The following PCDHA3 variants were observed in gnomAD, a reference collection of about 807,000 sequenced individuals.
PCDHA3 encodes the protein protocadherin alpha-3.
Under a neutral mutation model 62.2 loss-of-function variants are expected in PCDHA3, and 41 were observed. The ratio of observed to expected loss-of-function variants is 0.66; its 90% confidence interval spans 0.51 to 0.86. The LOEUF (loss-of-function observed/expected upper bound fraction) is 0.86. Ranked by LOEUF, PCDHA3 falls within the 40% of genes least tolerant of loss-of-function variation. The pLI is 0.00. For synonymous variants in PCDHA3, 640 were observed against 555.4 expected (o/e 1.15, Z -2.14); for missense variants, 1,304 against 1,241.2 (o/e 1.05, Z -0.76).
At chr5:140,903,454 A>G (rs1554190971) in intron 1 of PCDHA3, among the ~76,000 whole-genome samples, 1 of 152,208 alleles carries the variant, frequency 6.6e-6, no homozygotes, top group Non-Finnish European at 1.5e-5. Flanking sequence ...ATCTGATCAA[A>G]CTTAAAATAT....
intron 1 of PCDHA3, chr5:140,855,800 A>C: frequency 2.1e-6 from 1 of 475,828 alleles, no homozygotes; most frequent in Non-Finnish European, 3.7e-6. Context: ...TAACATATGA[A>C]TGAAAGAAAA....
At chr5:140,948,849 C>A (rs2094312653) in intron 1 of PCDHA3, among the ~76,000 whole-genome samples, 1 of 151,046 alleles carries the variant, frequency 6.6e-6, no homozygotes, top group Admixed American at 6.6e-5. Flanking sequence ...GTATTATTTG[C>A]CTTCTTATAT....
intron 3 of PCDHA3, among the ~76,000 whole-genome samples, chr5:140,995,181 T>G (rs1443897354): frequency 6.6e-6 from 1 of 152,186 alleles, no homozygotes; most frequent in Non-Finnish European, 1.5e-5. Context: ...GGTGCACCTA[T>G]GATAAAGTTT....
chr5:140,863,239 T>C (rs1554158001), intron 1 of PCDHA3: 26 of 1,323,164 alleles, frequency 2.0e-5, no homozygotes, highest in African/African-American at 2.9e-5. Context: ...ATCGCGGGCT[T>C]TGGCGGGCGT....
intron 1 of PCDHA3, chr5:140,883,655 T>C (rs782178754): frequency 6.2e-7 from 1 of 1,613,114 alleles, no homozygotes; most frequent in Non-Finnish European, 8.5e-7. Context: ...GTACACGGTG[T>C]TCGTGAAGGA....
chr5:140,822,378 A>T, intron 1 of PCDHA3: 1 of 1,614,170 alleles, frequency 6.2e-7, no homozygotes, highest in Non-Finnish European at 8.5e-7. Flanking sequence ...CCTTAGATAG[A>T]GAAGAAACAC....
At chr5:140,832,389 C>G (rs1441016073) in intron 1 of PCDHA3, among the ~76,000 whole-genome samples, 1 of 152,132 alleles carries the variant, frequency 6.6e-6, no homozygotes, top group Non-Finnish European at 1.5e-5. Flanking sequence ...ATGGCAGAAA[C>G]TGGTAGTGGT....
At chr5:140,947,140 A>G (rs2094093806) in intron 1 of PCDHA3, among the ~76,000 whole-genome samples, 1 of 151,464 alleles carries the variant, frequency 6.6e-6, no homozygotes, top group Admixed American at 6.6e-5. Context: ...AGTAAAATGT[A>G]TAGTTACTTC....
At chr5:140,850,367 GGGGCTGT>G (rs1332786840) in intron 1 of PCDHA3, 1 of 1,597,800 alleles carries the variant, frequency 6.3e-7, no homozygotes, top group Non-Finnish European at 8.6e-7. Context: ...CGTTCCGCGT[GGGGCTGT>G]ACACGGGCGA....
Position 140,836,160 on chromosome 5 carries a change from A to G in PCDHA3, c.2394+32569A>G, listed in dbSNP as rs1774254627. On this transcript the variant is annotated intron_variant, in intron 1 of 3. Transcript: ENST00000522353. ...TGTGGGCGCGGGCCATGTGGTGGCG[A>G]AGGTACGTGCAGTTGACGCTGACTC... 6.2e-7 allele frequency: 1 copy of G among 1,613,780 alleles called. No homozygotes were observed. The highest frequency in any genetic ancestry group is 1.7e-5 in the Admixed American group (1 of 60,020).
chr5:140,824,284 T>C lies in PCDHA3; in HGVS notation c.2394+20693T>C, dbSNP rs1581808951. ...TAATTCATGTATTATATGCTTTTTA[T>C]GAGGCTTTTCTGCTGGGGTAATAGA... On this transcript the variant is annotated intron_variant, in intron 1 of 3. Transcript: ENST00000522353. The C allele has an allele frequency of 6.5e-6, 7 of 1,072,766 alleles. No homozygotes were observed. The East Asian group carries it at 9.5e-5, about 15-fold the overall frequency. 66.5% of individuals were successfully genotyped at this position (1,072,766 alleles called of 1,614,324 possible). A position where few individuals can be genotyped will look rare whatever the true frequency, so the allele number is the denominator to read the frequency against.
chr5:140,822,816 A>C, intron 1 of PCDHA3: 1 of 1,614,198 alleles, frequency 6.2e-7, no homozygotes, highest in Non-Finnish European at 8.5e-7. Context: ...ATAATACCCC[A>C]GAGATGGCCA....
At chr5:140,936,340 C>T (rs1346812812) in intron 1 of PCDHA3, among the ~76,000 whole-genome samples, 1 of 152,102 alleles carries the variant, frequency 6.6e-6, no homozygotes, top group Non-Finnish European at 1.5e-5. Flanking sequence ...TCTCTATCTG[C>T]ATATATGGAA....
intron 1 of PCDHA3, chr5:140,821,904 C>G (rs1360851482): frequency 1.2e-6 from 2 of 1,614,220 alleles, no homozygotes; most frequent in Non-Finnish European, 1.7e-6. Flanking sequence ...ACGGAACCTT[C>G]GTTGGCCGCA....
chr5:140,877,220 G>C (rs560974692), intron 1 of PCDHA3: 2 of 1,613,740 alleles, frequency 1.2e-6, no homozygotes, highest in East Asian at 2.2e-5. Context: ...TTGGTACCGC[G>C]GTCGGTGGGT....
At chr5:140,985,739 C>CA (rs781951589) in intron 3 of PCDHA3, among the ~76,000 whole-genome samples, 2 of 117,920 alleles carry the variant, frequency 1.7e-5, no homozygotes, top group Non-Finnish European at 3.4e-5. Flanking sequence ...TGATGAATTC[C>CA]TTTTTTTTTT....
Position 140,850,103 on chromosome 5 carries a change from C to T in PCDHA3, c.2394+46512C>T, listed in dbSNP as rs2150467019. 4 of 1,596,104 alleles carry T rather than the reference C, an allele frequency of 2.5e-6. 1 individual carries two copies. Among genetic ancestry groups the T allele is most frequent in the African/African-American group, 1.3e-5 (1 of 74,456 alleles). On this transcript the variant is annotated intron_variant, in intron 1 of 3. Coordinates refer to ENST00000522353, the MANE Select transcript of PCDHA3 (RefSeq NM_018906.3). ...TGGAGCTGCTACAGTTCCAGGTGAGCGCGCGCGACGCGGGCGTGCCGCCTC... is the reference window on the plus strand; with the variant it reads ...TGGAGCTGCTACAGTTCCAGGTGAGTGCGCGCGACGCGGGCGTGCCGCCTC...
At chr5:140,816,902 C>G (rs564991334) in intron 1 of PCDHA3, 1 of 152,062 alleles carries the variant, frequency 6.6e-6, no homozygotes, top group African/African-American at 2.4e-5. Flanking sequence ...TTCTGAGAAG[C>G]CCTCAGTTAT....
intron 1 of PCDHA3, chr5:140,929,202 G>T (rs2085922750): frequency 1.2e-6 from 2 of 1,613,984 alleles, no homozygotes; most frequent in African/African-American, 1.3e-5. Context: ...ACAGTTTGCT[G>T]TTGCGTGGGG....
Sources: allele counts gnomAD v4.1 joint callset (sites outside exome capture counted in the v4.1 genomes callset), GRCh38; gene constraint gnomAD v4.1.1; transcripts MANE v1.5; gene names NCBI Gene and HGNC (gene_info 2026-07-23, HGNC 2026-07-21).